PCDHGA10: variants seen among roughly 807,000 people sequenced by gnomAD.
PCDHGA10 encodes the protein protocadherin gamma subfamily A, 10, also known as protocadherin gamma-A10.
PCDHGA10 carries 42 observed loss-of-function variants against 59.5 expected under a neutral mutation model. That is an observed-to-expected ratio of 0.71 (90% CI 0.55 to 0.91). PCDHGA10 has a LOEUF of 0.91. Among genes scored for constraint, PCDHGA10 ranks in the 40% least tolerant of loss-of-function variants. The pLI, the probability that PCDHGA10 is intolerant of heterozygous loss-of-function variation, is 0.00. For missense variants in PCDHGA10, 1,111 were observed against 1,198.2 expected, an observed-to-expected ratio of 0.93 and a Z score of 1.07; for synonymous variants, 511 against 517.2, an observed-to-expected ratio of 0.99 and a Z score of 0.16.
chr5:141,474,321 A>G (rs75620387), intron 1 of PCDHGA10, among the ~76,000 whole-genome samples: 2,046 of 152,326 alleles, frequency 0.013, 15 homozygotes, highest in Middle Eastern at 0.034. Context: ...GTGTTTTCAA[A>G]TCACCCTGAT....
intron 1 of PCDHGA10, chr5:141,418,830 G>A (rs371820904): frequency 1.2e-6 from 2 of 1,613,976 alleles, no homozygotes; most frequent in Non-Finnish European, 1.7e-6. Flanking sequence ...GCAAAAGACC[G>A]AGGATCTCTC....
intron 1 of PCDHGA10, chr5:141,418,256 T>C: frequency 1.2e-6 from 2 of 1,614,046 alleles, no homozygotes; most frequent in Non-Finnish European, 1.7e-6. Context: ...CGCCCCTCAA[T>C]TCCGGAAAGA....
Position 141,490,055 on chromosome 5 carries a change from G to A in PCDHGA10, c.2437-4752G>A, listed in dbSNP as rs746297447. The A allele has an allele frequency of 1.9e-6, 3 of 1,614,068 alleles. No individual in the cohort carries two copies. The Admixed American group carries it at 5.0e-5, about 27-fold the overall frequency. On this transcript the variant is annotated intron_variant, in intron 1 of 3. Transcript: ENST00000398610. This position sits in a 1 kb window ranked among gnomAD's most constrained non-coding sequence, Gnocchi z 5.4. ...CTCAATGCCACTGATCCAGACGAGG[G>A]CACCAACGGCCAACTAGACTATTCT...
chr5:141,475,990 A>T, intron 1 of PCDHGA10: 1 of 1,140,672 alleles, frequency 8.8e-7, no homozygotes, highest in Non-Finnish European at 1.2e-6. Context: ...CGGCGAGCAA[A>T]TCAACGGCAT....
At chr5:141,456,148 C>T (rs1408257938) in intron 1 of PCDHGA10, among the ~76,000 whole-genome samples, 13 of 152,078 alleles carry the variant, frequency 8.5e-5, no homozygotes, top group African/African-American at 3.1e-4. Flanking sequence ...CCGCCCGCCT[C>T]GGCCTCCTAA....
rs372855865 is a variant in PCDHGA10 at position 141,413,625 on chromosome 5, C to T, written c.450C>T (p.Val150=). 1.2e-6 allele frequency: 2 copies of T among 1,613,854 alleles called. No homozygotes were observed. The highest frequency in any genetic ancestry group is 3.3e-5 in the Admixed American group (2 of 60,022). ...ENLDVKINEN[V]AAGMRFPLPE... Reference sequence around the variant, plus strand: ...TAGACGTAAAAATTAATGAAAATGTCGCTGCGGGAATGCGTTTTCCTCTCC... The same window carrying T: ...TAGACGTAAAAATTAATGAAAATGTTGCTGCGGGAATGCGTTTTCCTCTCC... Residue 150 remains valine, a synonymous_variant, in exon 1 of 4, where the codon GTC becomes GTT. Transcript: ENST00000398610.
At chr5:141,508,756 C>A (rs890362975) in intron 3 of PCDHGA10, among the ~76,000 whole-genome samples, 2 of 151,904 alleles carry the variant, frequency 1.3e-5, no homozygotes, top group African/African-American at 4.8e-5. Flanking sequence ...CTTTCTCTGG[C>A]GCCTCTGAGG....
rs373728953 is a variant in PCDHGA10 at position 141,491,753 on chromosome 5, C to A, written c.2437-3054C>A. The A allele has an allele frequency of 6.3e-7, 1 of 1,585,146 alleles. No homozygotes were observed. The highest frequency in any genetic ancestry group is 8.6e-7 in the Non-Finnish European group (1 of 1,166,912). On this transcript the variant is annotated intron_variant, in intron 1 of 3. Transcript: ENST00000398610. This position sits in a 1 kb window ranked among gnomAD's most constrained non-coding sequence, Gnocchi z 6.9. The stretch of plus-strand genomic sequence containing the variant: ...ACCCCTGGGGGCGGCACTGGAGAAG[C>A]CGCCCGTCCTCATAAGGGATTGAAC...
intron 1 of PCDHGA10, among the ~76,000 whole-genome samples, chr5:141,470,528 G>A (rs1446688992): frequency 6.6e-6 from 1 of 152,140 alleles, no homozygotes; most frequent in East Asian, 1.9e-4. Context: ...ATTAAAATAT[G>A]TATCAGGTAA....
Position 141,434,784 on chromosome 5 carries a change from AT to A in PCDHGA10, c.2436+19182del, listed in dbSNP as rs201914459. On this transcript the variant is annotated intron_variant, in intron 1 of 3. Transcript: ENST00000398610. The stretch of plus-strand genomic sequence containing the variant: ...ACTTCACACTTCTAAAAAAAAAAAA[AT>A]TTTTTTTTCTGAGCTTGGAGAAATA... Among the ~76,000 whole-genome samples the A allele has an allele frequency of 3.3e-4, 49 of 150,342 alleles. 1 individual carries two copies. Among genetic ancestry groups the A allele is most frequent in the Middle Eastern group, 3.4e-3 (1 of 290 alleles).
intron 1 of PCDHGA10, among the ~76,000 whole-genome samples, chr5:141,426,005 G>A (rs189148799): frequency 4.1e-4 from 63 of 152,202 alleles, no homozygotes; most frequent in Admixed American, 2.1e-3. Flanking sequence ...AAAGGCTTCC[G>A]GCTGCAGTTT....
At position 141,476,851 on chromosome 5, in the gene PCDHGA10, C is replaced by T; in HGVS notation, c.2437-17956C>T. ...CGAATGACAATGCGCCTGTCTTCAA[C>T]CAGTCCTTGTACCGGGCGCGCGTCC... On this transcript the variant is annotated intron_variant, in intron 1 of 3. Transcript: ENST00000398610. This position sits in a 1 kb window ranked among gnomAD's most constrained non-coding sequence, Gnocchi z 7.6. The T allele has an allele frequency of 6.2e-7, 1 of 1,613,836 alleles. No individual in the cohort carries two copies. Among genetic ancestry groups the T allele is most frequent in the Non-Finnish European group, 8.5e-7 (1 of 1,180,046 alleles).
At chr5:141,429,925 A>G (rs1009987955) in intron 1 of PCDHGA10, among the ~76,000 whole-genome samples, 5 of 152,244 alleles carry the variant, frequency 3.3e-5, no homozygotes, top group African/African-American at 1.2e-4. Flanking sequence ...TATTAATAGA[A>G]TTCTGGAGTA....
chr5:141,448,179 G>C (rs763996329), intron 1 of PCDHGA10, among the ~76,000 whole-genome samples: 1 of 151,982 alleles, frequency 6.6e-6, no homozygotes, highest in Non-Finnish European at 1.5e-5. Context: ...ATTCATCCCT[G>C]GTTATGTACA....
chr5:141,423,141 G>T (rs2096714253), intron 1 of PCDHGA10: 6 of 1,613,580 alleles, frequency 3.7e-6, no homozygotes, highest in East Asian at 2.2e-5. Context: ...ACAGAGACGC[G>T]CTCAAGCAGA....
In PCDHGA10 at chr5:141,490,692, G is replaced by C. The variant is rs751109998; in HGVS notation, c.2437-4115G>C. 16 of 1,614,154 alleles carry C rather than the reference G, an allele frequency of 9.9e-6. 1 individual carries two copies. The Middle Eastern group carries it at 6.6e-4, about 67-fold the overall frequency. ...TGGCTGCCTCAGATCCAGACACTGG[G>C]GATAATGCCCGCCTCACCTACTCCA... On this transcript the variant is annotated intron_variant, in intron 1 of 3. Transcript: ENST00000398610. This position sits in a 1 kb window ranked among gnomAD's most constrained non-coding sequence, Gnocchi z 5.4.
At chr5:141,510,754 C>G (rs1407911674) in intron 3 of PCDHGA10, among the ~76,000 whole-genome samples, 193 bp from the exon 4 acceptor site, 3 of 152,168 alleles carry the variant, frequency 2.0e-5, no homozygotes, top group African/African-American at 7.2e-5. Flanking sequence ...GACTTTCTCA[C>G]TCCAGAGCCT....
At position 141,491,753 on chromosome 5, in the gene PCDHGA10, C is replaced by T. The variant is rs373728953; in HGVS notation, c.2437-3054C>T. On this transcript the variant is annotated intron_variant, in intron 1 of 3. Coordinates refer to ENST00000398610, the MANE Select transcript of PCDHGA10 (RefSeq NM_018913.3). The surrounding 1 kb of genome is among the most constrained non-coding windows in gnomAD (Gnocchi z 6.9). ...ACCCCTGGGGGCGGCACTGGAGAAGCCGCCCGTCCTCATAAGGGATTGAAC... is the reference window on the plus strand; with the variant it reads ...ACCCCTGGGGGCGGCACTGGAGAAGTCGCCCGTCCTCATAAGGGATTGAAC... 4 of 1,585,146 alleles carry T rather than the reference C, an allele frequency of 2.5e-6. No homozygotes were observed. Among genetic ancestry groups the T allele is most frequent in the East Asian group, 2.3e-5 (1 of 43,412 alleles).
At chr5:141,423,975 A>G in intron 1 of PCDHGA10, 2 of 1,126,024 alleles carry the variant, frequency 1.8e-6, no homozygotes, top group Non-Finnish European at 2.2e-6. Flanking sequence ...TTATCAGTGT[A>G]TGAGGCTCTC....
Sources: gnomAD v4.1 joint callset for allele counts (sites outside exome capture counted in the v4.1 genomes callset) on GRCh38, gnomAD v4.1.1 for gene constraint, Gnocchi (gnomAD v3.1) non-coding constraint, MANE v1.5 for transcripts, NCBI Gene and HGNC (gene_info 2026-07-23, HGNC 2026-07-21) for gene names.